PLEKHA7: variants seen among roughly 807,000 people sequenced by gnomAD.
The protein encoded by PLEKHA7 is pleckstrin homology domain-containing family A member 7.
In PLEKHA7, 104 loss-of-function variants were observed where a neutral mutation model predicts 170.0. The ratio of observed to expected loss-of-function variants is 0.61; its 90% CI spans 0.52 to 0.72. PLEKHA7 has a LOEUF of 0.72. PLEKHA7 is among the 30% of genes least tolerant of loss of function. The pLI is 0.00. For synonymous variants in PLEKHA7, 648 were observed against 660.8 expected, an observed-to-expected ratio of 0.98 and a Z score of 0.30; for missense variants, 1,615 against 1,671.7, an observed-to-expected ratio of 0.97 and a Z score of 0.59.
At chr11:16,801,962 A>G in intron 15 of PLEKHA7, 145 bp from the exon 16 acceptor site, 1 of 987,114 alleles carries the variant, frequency 1.0e-6, no homozygotes, top group Non-Finnish European at 1.5e-6. Context: ...CGGGGCTCTG[A>G]TGCCAGCTCT....
chr11:17,007,826 G>A (rs576756270), intron 3 of PLEKHA7, among the ~76,000 whole-genome samples: 28 of 152,196 alleles, frequency 1.8e-4, no homozygotes, highest in East Asian at 3.9e-4. Context: ...CTCCTGCTTT[G>A]GCCATTCAAA....
chr11:16,932,086 C>A (rs1291949646), intron 3 of PLEKHA7, among the ~76,000 whole-genome samples: 1 of 152,134 alleles, frequency 6.6e-6, no homozygotes, highest in East Asian at 1.9e-4. Flanking sequence ...GAGTTAAAAT[C>A]TAGGCTCACC....
At position 16,826,608 on chromosome 11, in the gene PLEKHA7, C is replaced by T; in HGVS notation, c.873-18G>A. 2 of 1,597,720 alleles carry T rather than the reference C, an allele frequency of 1.3e-6. No homozygotes were observed. Among genetic ancestry groups the T allele is most frequent in the Non-Finnish European group, 1.7e-6 (2 of 1,171,152 alleles). Reference sequence around the variant, plus strand: ...CCATATCCCTGCAATGACAGCAGCACATTCAGTTTGCTCCACAGCCAAGAC... The same window carrying T: ...CCATATCCCTGCAATGACAGCAGCATATTCAGTTTGCTCCACAGCCAAGAC... On this transcript the variant is annotated intron_variant, in intron 9 of 26. Coordinates refer to ENST00000531066, the MANE Select transcript of PLEKHA7 (RefSeq NM_001329630.2).
intron 3 of PLEKHA7, among the ~76,000 whole-genome samples, chr11:16,920,403 A>T (rs1221239923): frequency 6.6e-6 from 1 of 152,260 alleles, no homozygotes; most frequent in African/African-American, 2.4e-5. Context: ...AGCAAATAGC[A>T]AATCTCCCCT....
At chr11:16,850,495 C>A (rs1852841442) in intron 8 of PLEKHA7, among the ~76,000 whole-genome samples, 1 of 152,198 alleles carries the variant, frequency 6.6e-6, no homozygotes. Flanking sequence ...TGAAGGAAAT[C>A]CATGGAGGCC....
At chr11:16,913,503 C>T (rs916737775) in intron 3 of PLEKHA7, among the ~76,000 whole-genome samples, 2 of 152,204 alleles carry the variant, frequency 1.3e-5, no homozygotes, top group Non-Finnish European at 2.9e-5. Flanking sequence ...CAGCTGGCGT[C>T]GCAGTGGTCA....
At position 16,791,922 on chromosome 11, in the gene PLEKHA7, T is replaced by C. The variant is rs183267376; in HGVS notation, c.2746-723A>G. 6.6e-6 allele frequency among the ~76,000 whole-genome samples: 1 copy of C among 152,202 alleles called. No individual in the cohort carries two copies. Among genetic ancestry groups the C allele is most frequent in the Non-Finnish European group, 1.5e-5 (1 of 68,034 alleles). ...TCAACAGACCGGCCCCTGGTTGCCA[T>C]GAACACCCACTCGCAGGACTAACGA... is the stretch of plus-strand genomic sequence containing the variant. On this transcript the variant is annotated intron_variant, in intron 19 of 26. Transcript: ENST00000531066. The surrounding 1 kb of genome is among the most constrained non-coding windows in gnomAD (Gnocchi z 4.5).
At chr11:17,001,492 G>C (rs572925386) in intron 3 of PLEKHA7, among the ~76,000 whole-genome samples, 1 of 152,110 alleles carries the variant, frequency 6.6e-6, no homozygotes, top group African/African-American at 2.4e-5. Context: ...CCCCTCTTCC[G>C]AGACGAGGAC....
In PLEKHA7 at chr11:16,906,321, CCTCTCA is replaced by C. The variant is rs777217197; in HGVS notation, c.222-35145_222-35140del. ...AAAGGCTCCTCCTCTCCCTCTCCCT[CCTCTCA>C]CTCTCCCTCTCCCTCTCTTTCCACG... On this transcript the variant is annotated intron_variant, in intron 3 of 26. Coordinates refer to ENST00000531066, the MANE Select transcript of PLEKHA7 (RefSeq NM_001329630.2). Among the ~76,000 whole-genome samples the C allele has an allele frequency of 5.5e-4, 71 of 129,114 alleles. 7 individuals carry two copies. The highest frequency in any genetic ancestry group is 5.1e-3 in the East Asian group (25 of 4,870). The allele number at this position is 129,114 out of a possible 152,430, so 84.7% of individuals were successfully genotyped here.
chr11:16,825,668 C>T (rs1850577902), intron 10 of PLEKHA7, among the ~76,000 whole-genome samples: 1 of 152,214 alleles, frequency 6.6e-6, no homozygotes, highest in African/African-American at 2.4e-5. Flanking sequence ...GTCAACAGTG[C>T]CTACGCACTT....
intron 10 of PLEKHA7, among the ~76,000 whole-genome samples, chr11:16,820,015 A>G (rs1197943913): frequency 1.3e-5 from 2 of 152,268 alleles, no homozygotes; most frequent in East Asian, 3.8e-4. Flanking sequence ...TCATTTCATA[A>G]TGTATACATA....
chr11:16,956,628 T>A (rs1185345043), intron 3 of PLEKHA7, among the ~76,000 whole-genome samples: 2 of 152,224 alleles, frequency 1.3e-5, no homozygotes, highest in African/African-American at 2.4e-5. Context: ...TTATACCTAA[T>A]CCAGGTCTGT....
At chr11:17,003,812 G>A (rs1864818630) in intron 3 of PLEKHA7, among the ~76,000 whole-genome samples, 1 of 152,200 alleles carries the variant, frequency 6.6e-6, no homozygotes, top group Non-Finnish European at 1.5e-5. Flanking sequence ...CAACCCTGCT[G>A]CCCAGGCCAG....
intron 3 of PLEKHA7, among the ~76,000 whole-genome samples, chr11:16,951,631 G>A (rs1861413908): frequency 6.6e-6 from 1 of 152,202 alleles, no homozygotes; most frequent in African/African-American, 2.4e-5. Flanking sequence ...GGTAAGCTAT[G>A]TAAATGAAAA....
chr11:16,782,706 G>T, intron 26 of PLEKHA7, 48 bp downstream of exon 26: 2 of 1,531,108 alleles, frequency 1.3e-6, no homozygotes, highest in Non-Finnish European at 1.7e-6. Context: ...AAGCCCACAG[G>T]TGCAGTGGGG....
chr11:16,913,117 G>A (rs1007160267), intron 3 of PLEKHA7, among the ~76,000 whole-genome samples: 9 of 152,268 alleles, frequency 5.9e-5, no homozygotes, highest in African/African-American at 1.9e-4. Context: ...AATGACAGCC[G>A]GATTTCCTAT....
At chr11:16,925,491 G>A (rs948021637) in intron 3 of PLEKHA7, among the ~76,000 whole-genome samples, 1 of 152,104 alleles carries the variant, frequency 6.6e-6, no homozygotes, top group Admixed American at 6.5e-5. Context: ...TCGACAACCC[G>A]CAGACCCCCC....
At chr11:17,007,375 T>A (rs944346106) in intron 3 of PLEKHA7, among the ~76,000 whole-genome samples, 1 of 152,076 alleles carries the variant, frequency 6.6e-6, no homozygotes, top group Non-Finnish European at 1.5e-5. Flanking sequence ...TAGGCTGGAG[T>A]GCAATGGTGC....
intron 3 of PLEKHA7, among the ~76,000 whole-genome samples, chr11:16,935,760 CAT>C (rs1350016486): frequency 2.0e-5 from 3 of 152,330 alleles, no homozygotes; most frequent in African/African-American, 4.8e-5. Context: ...GCAAGCAGCA[CAT>C]GTTTTTGAGG....
Sources: gnomAD v4.1 joint callset for allele counts (sites outside exome capture counted in the v4.1 genomes callset) on GRCh38, gnomAD v4.1.1 for gene constraint, Gnocchi (gnomAD v3.1) non-coding constraint, MANE v1.5 for transcripts, NCBI Gene and HGNC (gene_info 2026-07-23, HGNC 2026-07-21) for gene names.